RGS20: variants seen among roughly 807,000 people sequenced by gnomAD.
RGS20 encodes regulator of G protein signaling 20, also known as gz-selective GTPase-activating protein.
Under a neutral mutation model 33.6 loss-of-function variants are expected in RGS20, and 30 were observed. That is an observed-to-expected ratio of 0.89 (90% confidence interval 0.67 to 1.21). RGS20 has a LOEUF of 1.21. Ranked by LOEUF, RGS20 falls within the 50% of genes most tolerant of loss-of-function variation. RGS20 has a pLI of 0.00. For synonymous variants in RGS20, 208 were observed against 197.9 expected (o/e 1.05, Z -0.43); for missense variants, 472 against 502.4 (o/e 0.94, Z 0.58).
intron 1 of RGS20, among the ~76,000 whole-genome samples, chr8:53,866,237 T>C (rs1204972113): frequency 6.6e-6 from 1 of 152,046 alleles, no homozygotes; most frequent in African/African-American, 2.4e-5. Flanking sequence ...TACCAAGGAA[T>C]AGGTGACAGA....
intron 3 of RGS20, 76 bp downstream of exon 2, chr8:53,939,800 C>T: frequency 6.9e-7 from 1 of 1,440,858 alleles, no homozygotes; most frequent in Non-Finnish European, 9.3e-7. Flanking sequence ...ACGTGGCACC[C>T]CTGAAAGTGG....
At chr8:53,874,055 T>C (rs1812137365) in intron 1 of RGS20, among the ~76,000 whole-genome samples, 1 of 151,832 alleles carries the variant, frequency 6.6e-6, no homozygotes, top group Non-Finnish European at 1.5e-5. Context: ...AAAAAATTAG[T>C]TGGGCGTCAT....
chr8:53,900,514 T>C (rs1395398771), intron 2 of RGS20, among the ~76,000 whole-genome samples: 1 of 152,148 alleles, frequency 6.6e-6, no homozygotes, highest in East Asian at 1.9e-4. Flanking sequence ...AATATCAATG[T>C]TTATATAGCA....
chr8:53,884,458 A>G (rs1323551945), intron 2 of RGS20, among the ~76,000 whole-genome samples: 2 of 152,178 alleles, frequency 1.3e-5, no homozygotes, highest in Non-Finnish European at 2.9e-5. Flanking sequence ...TAGGAGCTTG[A>G]AGTGCTAACT....
At chr8:53,929,191 A>G (rs1286787368) in intron 2 of RGS20, among the ~76,000 whole-genome samples, 1 of 152,238 alleles carries the variant, frequency 6.6e-6, no homozygotes, top group African/African-American at 2.4e-5. Context: ...CAGGGTTTTG[A>G]GAAAACTTTT....
intron 1 of RGS20, among the ~76,000 whole-genome samples, chr8:53,873,448 T>G (rs1812123117): frequency 6.6e-6 from 1 of 152,246 alleles, no homozygotes; most frequent in Non-Finnish European, 1.5e-5. Flanking sequence ...CTCTTTGAAT[T>G]TGTCTATTCT....
intron 1 of RGS20, among the ~76,000 whole-genome samples, chr8:53,871,500 C>A (rs1369952446): frequency 6.6e-6 from 1 of 151,978 alleles, no homozygotes; most frequent in Admixed American, 6.6e-5. Flanking sequence ...GTCTGTAATC[C>A]CACCTACTTA....
At chr8:53,864,500 G>A (rs1391578358) in intron 1 of RGS20, among the ~76,000 whole-genome samples, 1 of 151,234 alleles carries the variant, frequency 6.6e-6, no homozygotes, top group Non-Finnish European at 1.5e-5. Context: ...GGTGAGTCCA[G>A]CTTTCCATTA....
At chr8:53,910,967 A>G (rs190496014) in intron 2 of RGS20, among the ~76,000 whole-genome samples, 2 of 152,354 alleles carry the variant, frequency 1.3e-5, no homozygotes, top group East Asian at 3.9e-4. Flanking sequence ...GTAAAGAAAC[A>G]TACAAACTAG....
chr8:53,876,182 T>C (rs1185894778), intron 1 of RGS20: 1 of 152,046 alleles, frequency 6.6e-6, no homozygotes, highest in Non-Finnish European at 1.5e-5. Flanking sequence ...TTCTAAAGAG[T>C]CTCAGAAATT....
chr8:53,940,749 T>C (rs370932115), intron 3 of RGS20, among the ~76,000 whole-genome samples: 7 of 152,178 alleles, frequency 4.6e-5, no homozygotes, highest in African/African-American at 1.4e-4. Context: ...AGAGGAAACG[T>C]GGCCATGGGG....
At chr8:53,916,148 A>G (rs1454125870) in intron 2 of RGS20, among the ~76,000 whole-genome samples, 1 of 151,986 alleles carries the variant, frequency 6.6e-6, no homozygotes, top group Non-Finnish European at 1.5e-5. Context: ...TCAACCTCCT[A>G]AGGAGCTGGG....
chr8:53,957,498 C>G lies in RGS20; in HGVS notation c.979-772C>G, dbSNP rs118000112. On this transcript the variant is annotated intron_variant, in intron 5 of 5. Coordinates refer to ENST00000297313, the MANE Select transcript of RGS20 (RefSeq NM_170587.4). ...CACTTCACCCCTGTGCCCAACCCTC[C>G]GGGCAGGCCAGCACTCATCCCCAGA... Among the ~76,000 whole-genome samples the G allele has an allele frequency of 6.6e-3, 999 of 152,340 alleles. 6 individuals carry two copies. The highest frequency in any genetic ancestry group is 0.014 in the Middle Eastern group (4 of 294).
chr8:53,919,818 G>A (rs58070188), intron 2 of RGS20, among the ~76,000 whole-genome samples: 7,310 of 152,024 alleles, frequency 0.048, 471 homozygotes, highest in African/African-American at 0.14. Context: ...ATTAACTTGA[G>A]GAATGTTGCC....
intron 1 of RGS20, chr8:53,876,220 A>G (rs1039757272): frequency 6.6e-6 from 1 of 152,232 alleles, no homozygotes; most frequent in South Asian, 2.1e-4. Context: ...TTATTCTGCT[A>G]TGGATATTTC....
intron 2 of RGS20, among the ~76,000 whole-genome samples, chr8:53,911,448 T>C (rs1040028298): frequency 2.6e-5 from 4 of 152,174 alleles, no homozygotes; most frequent in African/African-American, 9.7e-5. Flanking sequence ...GGTGCATAAC[T>C]GGATCAAGAC....
intron 2 of RGS20, among the ~76,000 whole-genome samples, chr8:53,928,151 A>C (rs1475439818): frequency 6.6e-6 from 1 of 152,240 alleles, no homozygotes; most frequent in East Asian, 1.9e-4. Flanking sequence ...TGTAGAGAGG[A>C]TAGTATAACA....
At chr8:53,917,114 C>T (rs1371745186) in intron 2 of RGS20, among the ~76,000 whole-genome samples, 2 of 151,862 alleles carry the variant, frequency 1.3e-5, no homozygotes, top group African/African-American at 4.8e-5. Context: ...TCTCAGAACA[C>T]CTACTTTCTT....
At chr8:53,891,836 T>G (rs1019788424) in intron 2 of RGS20, among the ~76,000 whole-genome samples, 5 of 152,114 alleles carry the variant, frequency 3.3e-5, no homozygotes, top group Non-Finnish European at 7.4e-5. Context: ...TTTGCAACTT[T>G]TTTTTTTTGG....
Sources: gnomAD v4.1 joint callset for allele counts (sites outside exome capture counted in the v4.1 genomes callset) on GRCh38, gnomAD v4.1.1 for gene constraint, MANE v1.5 for transcripts, NCBI Gene and HGNC (gene_info 2026-07-23, HGNC 2026-07-21) for gene names.